GRAMD1B: variants seen among roughly 807,000 people sequenced by gnomAD.
The protein encoded by GRAMD1B is GRAM domain containing 1B.
GRAMD1B carries 37 observed loss-of-function variants against 99.7 expected under a neutral mutation model. The observed-to-expected ratio is 0.37, with a 90% CI of 0.29 to 0.49. The LOEUF (loss-of-function observed/expected upper bound fraction) is 0.49. Among genes scored for constraint, GRAMD1B ranks in the 20% least tolerant of loss-of-function variants. The pLI, the probability that GRAMD1B is intolerant of heterozygous loss-of-function variation, is 0.98. For synonymous variants in GRAMD1B, 427 were observed against 387.6 expected, an observed-to-expected ratio of 1.10 and a Z score of -1.19; for missense variants, 888 against 1,009.2, an observed-to-expected ratio of 0.88 and a Z score of 1.63.
intron 1 of GRAMD1B, among the ~76,000 whole-genome samples, chr11:123,436,719 G>A (rs1461489716): frequency 6.6e-6 from 1 of 152,178 alleles, no homozygotes; most frequent in African/African-American, 2.4e-5. Context: ...TAACTGCAAA[G>A]CATCATCTTA....
intron 2 of GRAMD1B, chr11:123,509,946 G>A (rs1213096876): frequency 1.3e-5 from 2 of 152,414 alleles, no homozygotes; most frequent in African/African-American, 4.8e-5. Context: ...TTTAGACAGA[G>A]GCTGTGAGTC....
intron 2 of GRAMD1B, among the ~76,000 whole-genome samples, chr11:123,562,118 G>C (rs1248555649): frequency 6.6e-6 from 1 of 152,176 alleles, no homozygotes; most frequent in Non-Finnish European, 1.5e-5. Flanking sequence ...GGGATCTGAG[G>C]TGGGAGGATC....
At chr11:123,421,098 G>C (rs768940289) in intron 1 of GRAMD1B, among the ~76,000 whole-genome samples, 1 of 152,204 alleles carries the variant, frequency 6.6e-6, no homozygotes, top group East Asian at 1.9e-4. Context: ...TGATGTTCTT[G>C]CAAAGTTGTA....
intron 2 of GRAMD1B, among the ~76,000 whole-genome samples, chr11:123,484,670 C>G (rs901301246): frequency 1.4e-4 from 21 of 152,094 alleles, no homozygotes; most frequent in African/African-American, 4.3e-4. Flanking sequence ...ACCGGCCCCC[C>G]CTCCAACCCC....
intron 1 of GRAMD1B, among the ~76,000 whole-genome samples, chr11:123,442,770 GA>G (rs999848690): frequency 2.7e-5 from 4 of 150,898 alleles, no homozygotes; most frequent in Admixed American, 1.3e-4. Context: ...TACCATCTCA[GA>G]AAAAAAAAGT....
At chr11:123,463,342 G>T (rs1950525676) in intron 1 of GRAMD1B, among the ~76,000 whole-genome samples, 1 of 152,240 alleles carries the variant, frequency 6.6e-6, no homozygotes, top group South Asian at 2.1e-4. Context: ...ATGGGGATCA[G>T]AGTGTATACA....
chr11:123,573,121 G>C (rs1629372), intron 2 of GRAMD1B, among the ~76,000 whole-genome samples: 208 of 97,166 alleles, frequency 2.1e-3, no homozygotes, highest in East Asian at 3.9e-3. Flanking sequence ...CGCAGGTAGG[G>C]CCCGATGGCT....
intron 8 of GRAMD1B, among the ~76,000 whole-genome samples, chr11:123,603,124 A>C (rs1952197956): frequency 6.6e-6 from 1 of 152,158 alleles, no homozygotes; most frequent in Admixed American, 6.5e-5. Flanking sequence ...TTTCCATAAG[A>C]GCAAAAGGTG....
At chr11:123,554,828 C>CCACT (rs971244270) in intron 2 of GRAMD1B, among the ~76,000 whole-genome samples, 1 of 152,168 alleles carries the variant, frequency 6.6e-6, no homozygotes, top group East Asian at 1.9e-4. Flanking sequence ...TAGGATTGAG[C>CCACT]CACTCACTCA....
Position 123,414,715 on chromosome 11 carries a change from A to G in GRAMD1B, c.-176+55916A>G, listed in dbSNP as rs77758241. 2.6e-5 allele frequency among the ~76,000 whole-genome samples: 4 copies of G among 152,302 alleles called. No homozygotes were observed. The East Asian group carries it at 5.8e-4, about 22-fold the overall frequency. The stretch of plus-strand genomic sequence containing the variant: ...GAGAATGTTTGCTCCCCAAGGAGAA[A>G]GATTTTGCTGTGTTTTGTTCAGAAC... On this transcript the variant is annotated intron_variant, in intron 1 of 20. Transcript: ENST00000638157.
Position 123,606,735 on chromosome 11 carries a change from G to A in GRAMD1B, c.1450G>A (p.Asp484Asn). Residue 484 changes from aspartate to asparagine, a missense_variant, in exon 11 of 20, where the codon GAC (aspartate) becomes AAC (asparagine). This residue lies in a region of GRAMD1B where 269 missense variants were observed against 296.6 expected (regional missense o/e 0.91). Transcript: ENST00000635736. ...CGCTCCTGTGAACTCCCCTTCACTGGACTTCAATGACAATGAGGACATCCC... is the reference window on the plus strand; with the variant it reads ...CGCTCCTGTGAACTCCCCTTCACTGAACTTCAATGACAATGAGGACATCCC... The part of the protein sequence containing the change: ...MIAPVNSPSL[D>N]FNDNEDIPTE... 6.2e-7 allele frequency: 1 copy of A among 1,613,778 alleles called. No homozygotes were observed. The highest frequency in any genetic ancestry group is 8.5e-7 in the Non-Finnish European group (1 of 1,179,782).
intron 1 of GRAMD1B, among the ~76,000 whole-genome samples, chr11:123,382,772 G>C (rs1946923886): frequency 6.6e-6 from 1 of 152,180 alleles, no homozygotes; most frequent in Non-Finnish European, 1.5e-5. Flanking sequence ...AGGGATATCA[G>C]CAAAGGATAA....
intron 2 of GRAMD1B, among the ~76,000 whole-genome samples, chr11:123,549,565 C>A (rs529702090): frequency 1.3e-5 from 2 of 151,874 alleles, no homozygotes; most frequent in African/African-American, 4.8e-5. Context: ...TGATTGTGGA[C>A]CTTTAGGACA....
intron 1 of GRAMD1B, among the ~76,000 whole-genome samples, chr11:123,446,205 G>A (rs529081929): frequency 1.3e-5 from 2 of 151,872 alleles, no homozygotes; most frequent in East Asian, 1.9e-4. Context: ...TCTCTTTGTC[G>A]CCCAGACTTG....
At chr11:123,599,509 G>A in intron 7 of GRAMD1B, 2 of 554,890 alleles carry the variant, frequency 3.6e-6, no homozygotes, top group Non-Finnish European at 6.9e-6. Flanking sequence ...GTCTCACTCT[G>A]TCACCCAGGC....
intron 2 of GRAMD1B, among the ~76,000 whole-genome samples, chr11:123,496,911 G>A (rs1024074304): frequency 7.9e-5 from 12 of 151,790 alleles, no homozygotes; most frequent in African/African-American, 2.9e-4. Context: ...TGAATTCTCC[G>A]TCTGAAAAGT....
intron 1 of GRAMD1B, among the ~76,000 whole-genome samples, chr11:123,383,162 A>G (rs927114022): frequency 2.6e-5 from 4 of 151,730 alleles, no homozygotes; most frequent in African/African-American, 9.7e-5. Context: ...ACTGGGGCTG[A>G]CCTGGACTTG....
At chr11:123,447,957 G>A (rs1028893111) in intron 1 of GRAMD1B, among the ~76,000 whole-genome samples, 13 of 152,058 alleles carry the variant, frequency 8.5e-5, no homozygotes, top group Non-Finnish European at 1.9e-4. Flanking sequence ...TTTAAGGGCT[G>A]CTCTCATCTG....
rs552463183 is a variant in GRAMD1B at position 123,401,533 on chromosome 11, C to G, written c.-176+42734C>G. 2.0e-5 allele frequency among the ~76,000 whole-genome samples: 3 copies of G among 152,338 alleles called. No individual in the cohort carries two copies. The South Asian group carries it at 6.2e-4, about 32-fold the overall frequency. ...AAATGGCCCCAGTGACTGATGGAAA[C>G]AGCAAGTGTTGCTGTAAGAGGCTCC... On this transcript the variant is annotated intron_variant, in intron 1 of 20. Transcript: ENST00000638157.
Sources: gnomAD v4.1 joint callset for allele counts (sites outside exome capture counted in the v4.1 genomes callset) on GRCh38, gnomAD v4.1.1 for gene constraint, gnomAD v4.1.1 regional missense constraint, MANE v1.5 for transcripts, NCBI Gene and HGNC (gene_info 2026-07-23, HGNC 2026-07-21) for gene names.